Variants in SGCZ observed in about 807,000 individuals in gnomAD.
The protein encoded by SGCZ is sarcoglycan zeta.
In SGCZ, 40 loss-of-function variants were observed where a neutral mutation model predicts 41.3. That is an observed-to-expected ratio of 0.97 (90% confidence interval 0.75 to 1.26). The LOEUF (loss-of-function observed/expected upper bound fraction) is 1.26, where lower values mean the gene tolerates loss of function less well. Among genes scored for constraint, SGCZ ranks in the 50% most tolerant of loss-of-function variants. The pLI, the probability that SGCZ is intolerant of heterozygous loss-of-function variation, is 0.00. For synonymous variants in SGCZ, 206 were observed against 137.5 expected (o/e 1.50, Z -3.49); for missense variants, 552 against 369.8 (o/e 1.49, Z -4.04).
chr8:14,942,222 G>A (rs987855557), intron 1 of SGCZ, among the ~76,000 whole-genome samples: 1 of 152,040 alleles, frequency 6.6e-6, no homozygotes, highest in Non-Finnish European at 1.5e-5. Flanking sequence ...CCTCATGGAA[G>A]AGCTCATGTT....
intron 1 of SGCZ, among the ~76,000 whole-genome samples, chr8:15,142,306 G>T (rs1233863138): frequency 6.6e-6 from 1 of 152,112 alleles, no homozygotes; most frequent in South Asian, 2.1e-4. Context: ...ACTCTGAGAA[G>T]TTATGTTGTT....
chr8:15,071,173 G>A (rs1461723911), intron 1 of SGCZ, among the ~76,000 whole-genome samples: 2 of 152,040 alleles, frequency 1.3e-5, no homozygotes, highest in Non-Finnish European at 2.9e-5. Flanking sequence ...TGTGGCTTAG[G>A]CTTTATAATG....
intron 1 of SGCZ, among the ~76,000 whole-genome samples, chr8:14,804,607 T>C (rs1801458787): frequency 6.9e-6 from 1 of 145,106 alleles, no homozygotes; most frequent in South Asian, 2.4e-4. Context: ...GTCTGATTGG[T>C]GTACCTGAAA....
At chr8:14,737,056 T>A (rs1429395269) in intron 1 of SGCZ, among the ~76,000 whole-genome samples, 1 of 149,464 alleles carries the variant, frequency 6.7e-6, no homozygotes, top group East Asian at 2.0e-4. Flanking sequence ...TAGCTATATA[T>A]CTATATAACA....
intron 1 of SGCZ, among the ~76,000 whole-genome samples, chr8:14,981,725 T>C (rs1329597206): frequency 6.6e-6 from 1 of 152,192 alleles, no homozygotes; most frequent in Admixed American, 6.6e-5. Flanking sequence ...GAAACAAGCA[T>C]GACAATTAAT....
intron 2 of SGCZ, among the ~76,000 whole-genome samples, chr8:14,444,036 A>C (rs1178927759): frequency 1.3e-5 from 2 of 152,224 alleles, no homozygotes; most frequent in Admixed American, 6.5e-5. Context: ...GAAGACATTT[A>C]TGCAGCCAAA....
At chr8:14,199,784 C>T (rs917964195) in intron 4 of SGCZ, among the ~76,000 whole-genome samples, 3 of 152,052 alleles carry the variant, frequency 2.0e-5, no homozygotes, top group Non-Finnish European at 4.4e-5. Context: ...AAGAAATAAA[C>T]GCATTTCCTT....
chr8:14,731,584 T>C (rs1810241246), intron 1 of SGCZ, among the ~76,000 whole-genome samples: 1 of 152,156 alleles, frequency 6.6e-6, no homozygotes, highest in Non-Finnish European at 1.5e-5. Flanking sequence ...TCAACAATAC[T>C]TGTAGAAATG....
chr8:14,841,163 G>C (rs926505887), intron 1 of SGCZ, among the ~76,000 whole-genome samples: 15 of 151,874 alleles, frequency 9.9e-5, no homozygotes, highest in Non-Finnish European at 1.8e-4. Flanking sequence ...AATGCTGCAT[G>C]TCTGAAACAT....
intron 7 of SGCZ, among the ~76,000 whole-genome samples, chr8:14,095,963 G>T (rs1801832608): frequency 6.6e-6 from 1 of 152,126 alleles, no homozygotes; most frequent in Non-Finnish European, 1.5e-5. Context: ...TGTAACCTGA[G>T]ACTTTGCTGA....
intron 2 of SGCZ, among the ~76,000 whole-genome samples, chr8:14,370,597 T>C (rs746989720): frequency 6.6e-6 from 1 of 151,932 alleles, no homozygotes; most frequent in Non-Finnish European, 1.5e-5. Context: ...TTAAGTATTT[T>C]CTATTTATAT....
intron 2 of SGCZ, among the ~76,000 whole-genome samples, chr8:14,366,165 C>G (rs963598579): frequency 9.2e-5 from 14 of 152,084 alleles, no homozygotes; most frequent in African/African-American, 3.1e-4. Flanking sequence ...CTGCTGTCAT[C>G]TGGAGAACAG....
intron 2 of SGCZ, among the ~76,000 whole-genome samples, chr8:14,428,147 T>C (rs1052155755): frequency 6.7e-6 from 1 of 149,240 alleles, no homozygotes; most frequent in South Asian, 2.1e-4. Context: ...TATATATATA[T>C]ATACACACAC....
At chr8:14,290,591 A>G (rs1397973043) in intron 3 of SGCZ, among the ~76,000 whole-genome samples, 2 of 152,138 alleles carry the variant, frequency 1.3e-5, no homozygotes, top group African/African-American at 4.8e-5. Context: ...AAAATGCTCA[A>G]CATCACTCAT....
At chr8:14,591,716 C>A (rs1304917476) in intron 1 of SGCZ, among the ~76,000 whole-genome samples, 2 of 152,042 alleles carry the variant, frequency 1.3e-5, no homozygotes. Flanking sequence ...AAGCTTCCTG[C>A]ATAATTTTAA....
At chr8:14,514,064 T>C (rs181279370) in intron 2 of SGCZ, among the ~76,000 whole-genome samples, 3 of 152,080 alleles carry the variant, frequency 2.0e-5, no homozygotes, top group Admixed American at 6.6e-5. Flanking sequence ...AGGAGTTGCA[T>C]TGGTGATAGC....
intron 1 of SGCZ, among the ~76,000 whole-genome samples, chr8:14,568,415 C>T (rs1203563223): frequency 2.6e-5 from 3 of 116,404 alleles, no homozygotes; most frequent in African/African-American, 3.5e-5. Flanking sequence ...AAGAATTGAT[C>T]GTTTTGAAAA....
chr8:15,063,945 C>T (rs955410436), intron 1 of SGCZ, among the ~76,000 whole-genome samples: 7 of 152,148 alleles, frequency 4.6e-5, no homozygotes, highest in African/African-American at 1.7e-4. Flanking sequence ...ACACATCACA[C>T]ACAAAAATGG....
chr8:14,478,858 G>A (rs1489999737), intron 2 of SGCZ, among the ~76,000 whole-genome samples: 1 of 152,012 alleles, frequency 6.6e-6, no homozygotes, highest in African/African-American at 2.4e-5. Context: ...CTTGTAAAAA[G>A]GTAGTAATCT....
Sources: allele counts gnomAD v4.1 joint callset (sites outside exome capture counted in the v4.1 genomes callset), GRCh38; gene constraint gnomAD v4.1.1; transcripts MANE v1.5; gene names NCBI Gene and HGNC (gene_info 2026-07-23, HGNC 2026-07-21).